Variants in PGM3 observed in about 807,000 individuals in gnomAD.
PGM3 encodes phosphoglucomutase 3.
A neutral mutation model predicts 66.2 loss-of-function variants in PGM3; 40 were observed. The ratio of observed to expected loss-of-function variants is 0.60; its 90% CI spans 0.47 to 0.79. The LOEUF is 0.79. Among genes scored for constraint, PGM3 ranks in the 30% least tolerant of loss-of-function variants. PGM3 has a pLI of 0.00. For synonymous variants in PGM3, 191 were observed against 224.2 expected (o/e 0.85, Z 1.32); for missense variants, 537 against 643.4 (o/e 0.83, Z 1.79).
chr6:83,161,617 T>G (rs1206853315), downstream of PGM3, among the ~76,000 whole-genome samples: 1 of 152,152 alleles, frequency 6.6e-6, no homozygotes, highest in Non-Finnish European at 1.5e-5. Context: ...GAAAAACTGC[T>G]CAGTTGTTCT....
intron 3 of PGM3, among the ~76,000 whole-genome samples, 179 bp from the exon 4 acceptor site, chr6:83,187,254 C>T (rs1788652268): frequency 6.6e-6 from 1 of 152,196 alleles, no homozygotes; most frequent in Non-Finnish European, 1.5e-5. Context: ...TTCCAGTAGC[C>T]TTTCACAATC....
At chr6:83,148,841 C>T in the PGM3 span, 4 of 1,543,274 alleles carry the variant, frequency 2.6e-6, no homozygotes, top group Admixed American at 2.3e-5. Context: ...TCTTCCAGCT[C>T]CAGGGCAGTT....
At chr6:83,162,828 C>T, downstream of PGM3, 1 of 1,613,412 alleles carries the variant, frequency 6.2e-7, no homozygotes, top group African/African-American at 1.3e-5. Flanking sequence ...TCAGATGATT[C>T]AGGTTTGGAA....
intron 1 of PGM3, 128 bp from the exon 2 acceptor site, chr6:83,191,142 G>A (rs1789009484): frequency 6.7e-7 from 1 of 1,481,836 alleles, no homozygotes; most frequent in Admixed American, 2.0e-5. Context: ...CCCTATGTTT[G>A]ACAGAGCAAT....
the PGM3 span, among the ~76,000 whole-genome samples, chr6:83,151,046 A>G: frequency 5.9e-5 from 9 of 152,240 alleles, no homozygotes; most frequent in Non-Finnish European, 1.2e-4. Context: ...ATAAGTATAT[A>G]TAAATATTTT....
rs1786524189 is a variant in PGM3, at chr6:83,169,177, G to T, written c.*57C>A. ...ATCTCTTAGTACTGCCATTATTATT[G>T]ACAGTTTTGTAAAGACTTGTAAAAA... On this transcript the variant is annotated 3_prime_UTR_variant, in exon 13 of 13. Coordinates refer to ENST00000513973, the MANE Select transcript of PGM3 (RefSeq NM_015599.3). 30 of 1,602,058 alleles carry T rather than the reference G, an allele frequency of 1.9e-5. No homozygotes were observed. Among genetic ancestry groups the T allele is most frequent in the Non-Finnish European group, 2.4e-5 (28 of 1,173,256 alleles).
At chr6:83,178,315 G>A (rs538462234) in intron 8 of PGM3, among the ~76,000 whole-genome samples, 91 of 152,272 alleles carry the variant, frequency 6.0e-4, no homozygotes, top group African/African-American at 2.0e-3. Flanking sequence ...GGAGATAGGT[G>A]AGCTATCTTC....
At position 83,168,029 on chromosome 6, in the gene PGM3, G is replaced by A; in HGVS notation, c.*1205C>T. On this transcript the variant is annotated 3_prime_UTR_variant, in exon 13 of 13. Coordinates refer to ENST00000513973, the MANE Select transcript of PGM3 (RefSeq NM_015599.3). ...CAAGCCGATGTGGAGGACACTCAGG[G>A]AGTCCTATCCTCTACTCAAATGCCT... 1.2e-6 allele frequency: 2 copies of A among 1,614,134 alleles called. No individual in the cohort carries two copies. Among genetic ancestry groups the A allele is most frequent in the Non-Finnish European group, 1.7e-6 (2 of 1,180,028 alleles).
the PGM3 span, among the ~76,000 whole-genome samples, chr6:83,151,060 TCGG>T: frequency 1.3e-5 from 2 of 152,268 alleles, no homozygotes; most frequent in Non-Finnish European, 2.9e-5. Flanking sequence ...ATATTTTGTG[TCGG>T]CTTCTTTTGT....
chr6:83,184,763 C>CA (rs1788449923), intron 4 of PGM3, among the ~76,000 whole-genome samples: 1 of 152,156 alleles, frequency 6.6e-6, no homozygotes, highest in Non-Finnish European at 1.5e-5. Context: ...CTCTCTGTGA[C>CA]AAACAGAGGG....
In PGM3 at chr6:83,166,745, G is replaced by C; in HGVS notation, c.*2489C>G. On this transcript the variant is annotated 3_prime_UTR_variant, in exon 13 of 13. Coordinates refer to ENST00000513973, the MANE Select transcript of PGM3 (RefSeq NM_015599.3). ...GCAATAAGCTTGAGAGCACATAGAA[G>C]AAAATAAGCTGGATTTTGCATCTGC... 8.9e-7 allele frequency: 1 copy of C among 1,128,416 alleles called. No individual in the cohort carries two copies. The highest frequency in any genetic ancestry group is 1.1e-6 in the Non-Finnish European group (1 of 923,170). 69.9% of individuals were successfully genotyped at this position (1,128,416 alleles called of 1,614,324 possible).
downstream of PGM3, chr6:83,159,758 TGG>T (rs755128008): frequency 2.5e-6 from 4 of 1,612,060 alleles, no homozygotes; most frequent in Non-Finnish European, 3.4e-6. Flanking sequence ...TGTGAGTAAA[TGG>T]GTCCAGCTGC....
the PGM3 span, among the ~76,000 whole-genome samples, chr6:83,152,541 T>C: frequency 1.3e-5 from 2 of 152,014 alleles, no homozygotes; most frequent in African/African-American, 4.8e-5. Context: ...ATTATTTAGT[T>C]TGCCAAACAT....
upstream of PGM3, among the ~76,000 whole-genome samples, chr6:83,193,635 C>T (rs1303906988): frequency 6.6e-6 from 1 of 152,142 alleles, no homozygotes; most frequent in Non-Finnish European, 1.5e-5. Context: ...CGTCGCTGGG[C>T]CTCGGACAGG....
chr6:83,167,483 G>A lies in PGM3; in HGVS notation c.*1751C>T, dbSNP rs1554255401. 1.9e-5 allele frequency: 19 copies of A among 996,994 alleles called. No individual in the cohort carries two copies. Among genetic ancestry groups the A allele is most frequent in the Non-Finnish European group, 2.3e-5 (19 of 837,492 alleles). The allele number at this position is 996,994 out of a possible 1,614,324, so 61.8% of individuals were successfully genotyped here. On this transcript the variant is annotated 3_prime_UTR_variant, in exon 13 of 13. Coordinates refer to ENST00000513973, the MANE Select transcript of PGM3 (RefSeq NM_015599.3). ...ATAAAGCACTTTGTTCCTTTTTTCTGTAGTAATTTTGTGACCTAGTCCTTG... is the reference window on the plus strand; with the variant it reads ...ATAAAGCACTTTGTTCCTTTTTTCTATAGTAATTTTGTGACCTAGTCCTTG...
the PGM3 span, chr6:83,151,982 C>T: frequency 1.2e-6 from 2 of 1,613,722 alleles, no homozygotes; most frequent in African/African-American, 2.7e-5. Flanking sequence ...TAAGCCTTCT[C>T]CCAAAATAAT....
chr6:83,166,322 G>C lies in PGM3; in HGVS notation c.*2912C>G. On this transcript the variant is annotated 3_prime_UTR_variant, in exon 13 of 13. Transcript: ENST00000513973. ...TCTCAATTGGTCATTATCAATTTCC[G>C]ATGACTGGCCACTGCACTCCTCATC... is the stretch of plus-strand genomic sequence containing the variant. 3.0e-6 allele frequency: 2 copies of C among 657,478 alleles called. No homozygotes were observed. Among genetic ancestry groups the C allele is most frequent in the Non-Finnish European group, 5.5e-6 (2 of 363,700 alleles). The allele number at this position is 657,478 out of a possible 1,614,324, so 40.7% of individuals were successfully genotyped here.
At chr6:83,151,980 C>G in the PGM3 span, 1 of 1,613,970 alleles carries the variant, frequency 6.2e-7, no homozygotes, top group Non-Finnish European at 8.5e-7. Context: ...GTTAAGCCTT[C>G]TCCCAAAATA....
At chr6:83,191,727 G>A (rs1789076799) in intron 1 of PGM3, among the ~76,000 whole-genome samples, 1 of 152,120 alleles carries the variant, frequency 6.6e-6, no homozygotes, top group South Asian at 2.1e-4. Flanking sequence ...GGTGGCTCAC[G>A]CCAGTAATCT....
Sources: allele counts gnomAD v4.1 joint callset (sites outside exome capture counted in the v4.1 genomes callset), GRCh38; gene constraint gnomAD v4.1.1; transcripts MANE v1.5; gene names NCBI Gene and HGNC (gene_info 2026-07-23, HGNC 2026-07-21).